Variants in SEMA3A observed in about 807,000 individuals in gnomAD.
SEMA3A encodes semaphorin 3A, also known as semaphorin-3A.
In SEMA3A, 29 loss-of-function variants were observed where a neutral mutation model predicts 97.9. The ratio of observed to expected loss-of-function variants is 0.30; its 90% CI spans 0.22 to 0.40. The LOEUF (loss-of-function observed/expected upper bound fraction) is 0.40, where lower values mean the gene tolerates loss of function less well. Among genes scored for constraint, SEMA3A ranks in the 10% least tolerant of loss-of-function variants. The pLI is 1.00. For missense variants in SEMA3A, 763 were observed against 951.3 expected, an observed-to-expected ratio of 0.80 and a Z score of 2.60; for synonymous variants, 321 against 323.7, an observed-to-expected ratio of 0.99 and a Z score of 0.09.
chr7:84,294,369 A>G (rs183197239), intron 3 of SEMA3A, among the ~76,000 whole-genome samples: 11 of 152,132 alleles, frequency 7.2e-5, no homozygotes, highest in Non-Finnish European at 1.3e-4. Context: ...TCCTACTAGT[A>G]AGCTTTAGAA....
intron 6 of SEMA3A, among the ~76,000 whole-genome samples, chr7:84,027,541 T>C (rs1290992570): frequency 6.6e-6 from 1 of 152,204 alleles, no homozygotes; most frequent in Non-Finnish European, 1.5e-5. Flanking sequence ...TGTTTGTTTG[T>C]TTGTTTTTAG....
chr7:84,423,737 T>C (rs1804665440), intron 1 of SEMA3A, among the ~76,000 whole-genome samples: 1 of 151,938 alleles, frequency 6.6e-6, no homozygotes, highest in Non-Finnish European at 1.5e-5. Context: ...TTTCTAAAAA[T>C]ATTTGCCAAC....
intron 3 of SEMA3A, among the ~76,000 whole-genome samples, chr7:84,116,559 G>T (rs1583989682): frequency 6.6e-6 from 1 of 152,062 alleles, no homozygotes; most frequent in African/African-American, 2.4e-5. Context: ...TACCATCTGG[G>T]AATATGACTC....
chr7:84,296,472 T>A (rs937351071), intron 3 of SEMA3A, among the ~76,000 whole-genome samples: 2 of 152,174 alleles, frequency 1.3e-5, no homozygotes, highest in Admixed American at 1.3e-4. Flanking sequence ...TTCCATCAGG[T>A]CTCATTGCTT....
intron 14 of SEMA3A, among the ~76,000 whole-genome samples, chr7:83,977,698 CTT>C (rs1263438376): frequency 1.3e-5 from 2 of 151,340 alleles, no homozygotes; most frequent in African/African-American, 4.9e-5. Context: ...TTTAAATAGA[CTT>C]TTGCTAAATT....
At chr7:84,361,077 A>G (rs1290332892) in intron 2 of SEMA3A, among the ~76,000 whole-genome samples, 1 of 152,088 alleles carries the variant, frequency 6.6e-6, no homozygotes, top group Non-Finnish European at 1.5e-5. Flanking sequence ...AATGTTTTAC[A>G]GCTTCAAATG....
intron 3 of SEMA3A, among the ~76,000 whole-genome samples, chr7:84,275,928 AATTTAAAATT>A (rs1402090074): frequency 6.6e-6 from 1 of 152,088 alleles, no homozygotes; most frequent in African/African-American, 2.4e-5. Context: ...GACTCCTAGA[AATTTAAAATT>A]ATTTACATGG....
At chr7:84,249,311 A>T (rs1799543565) in intron 3 of SEMA3A, among the ~76,000 whole-genome samples, 1 of 151,994 alleles carries the variant, frequency 6.6e-6, no homozygotes, top group African/African-American at 2.4e-5. Flanking sequence ...GATGGAAAGG[A>T]AATTAGTAAG....
intron 1 of SEMA3A, among the ~76,000 whole-genome samples, chr7:84,433,591 C>T (rs1012125206): frequency 1.3e-5 from 2 of 151,894 alleles, no homozygotes; most frequent in African/African-American, 2.4e-5. Context: ...GGGTATATAC[C>T]CAGTAATGGT....
At chr7:84,019,198 T>G (rs200545154) in intron 6 of SEMA3A, among the ~76,000 whole-genome samples, 1 of 85,950 alleles carries the variant, frequency 1.2e-5, no homozygotes, top group Admixed American at 1.2e-4. Context: ...GAGGAGATAC[T>G]AAGAGAGCAT....
At chr7:84,236,239 T>A (rs1799233885) in intron 3 of SEMA3A, among the ~76,000 whole-genome samples, 1 of 152,154 alleles carries the variant, frequency 6.6e-6, no homozygotes, top group Non-Finnish European at 1.5e-5. Context: ...AGTCACCACA[T>A]CTGTATTGAT....
intron 6 of SEMA3A, among the ~76,000 whole-genome samples, chr7:84,022,600 A>G (rs1791369732): frequency 6.6e-6 from 1 of 152,212 alleles, no homozygotes; most frequent in Admixed American, 6.5e-5. Context: ...GTAAGAAAAT[A>G]TTTTTGAAAT....
chr7:84,342,342 A>T (rs1379846377), intron 2 of SEMA3A, among the ~76,000 whole-genome samples: 1 of 151,960 alleles, frequency 6.6e-6, no homozygotes, highest in Non-Finnish European at 1.5e-5. Context: ...CCACTATAGA[A>T]TTTTTTTACT....
At chr7:84,126,487 T>C (rs1795799658) in intron 3 of SEMA3A, among the ~76,000 whole-genome samples, 1 of 152,180 alleles carries the variant, frequency 6.6e-6, no homozygotes, top group Non-Finnish European at 1.5e-5. Flanking sequence ...ATTACAGGCA[T>C]GGGCTACCGC....
At position 83,999,539 on chromosome 7, in the gene SEMA3A, T is replaced by G. The variant is rs568577996; in HGVS notation, c.1452+2416A>C. On this transcript the variant is annotated intron_variant, in intron 12 of 16. Coordinates refer to ENST00000265362, the MANE Select transcript of SEMA3A (RefSeq NM_006080.3). ...GAAAATTAAGTCCTAGAAACTGAGA[T>G]GGATAACACATCAGAGTCTTTGAGC... Among the ~76,000 whole-genome samples the G allele has an allele frequency of 9.2e-5, 14 of 152,234 alleles. 1 individual carries two copies. The South Asian group carries it at 2.5e-3, about 27-fold the overall frequency.
intron 2 of SEMA3A, among the ~76,000 whole-genome samples, chr7:84,361,831 G>A (rs556497469): frequency 1.3e-5 from 2 of 152,094 alleles, no homozygotes; most frequent in Non-Finnish European, 1.5e-5. Flanking sequence ...CTGCAGAGGA[G>A]ACGGTGTCCT....
At chr7:84,173,403 C>G (rs1313071282) in intron 1 of SEMA3A, among the ~76,000 whole-genome samples, 2 of 151,536 alleles carry the variant, frequency 1.3e-5, no homozygotes, top group African/African-American at 4.8e-5. Flanking sequence ...TAAAAAGATA[C>G]AAAAAATTAG....
chr7:84,269,763 A>G (rs1379353629), intron 3 of SEMA3A, among the ~76,000 whole-genome samples: 3 of 152,124 alleles, frequency 2.0e-5, no homozygotes, highest in African/African-American at 4.8e-5. Context: ...TGGTTGTTTC[A>G]TATTCCATTA....
intron 1 of SEMA3A, among the ~76,000 whole-genome samples, chr7:84,157,376 A>G (rs13437857): frequency 0.12 from 17,937 of 152,144 alleles, 1,691 homozygotes; most frequent in African/African-American, 0.25. Flanking sequence ...TAGGCATCTC[A>G]AAAGCCTTGA....
Sources: gnomAD v4.1 joint callset for allele counts (sites outside exome capture counted in the v4.1 genomes callset) on GRCh38, gnomAD v4.1.1 for gene constraint, MANE v1.5 for transcripts, NCBI Gene and HGNC (gene_info 2026-07-23, HGNC 2026-07-21) for gene names.